The following SEC24D variants were observed in gnomAD, a reference collection of about 807,000 sequenced individuals.
SEC24D encodes the protein protein transport protein Sec24D.
Under a neutral mutation model 116.9 loss-of-function variants are expected in SEC24D, and 69 were observed. The observed-to-expected ratio is 0.59, with a 90% CI of 0.49 to 0.72. SEC24D has a LOEUF of 0.72. Ranked by LOEUF, SEC24D falls within the 30% of genes least tolerant of loss-of-function variation. The pLI, the probability that SEC24D is intolerant of heterozygous loss-of-function variation, is 0.00. For missense variants in SEC24D, 1,131 were observed against 1,264.1 expected (o/e 0.89, Z 1.60); for synonymous variants, 405 against 442.8 (o/e 0.91, Z 1.07).
At chr4:118,814,655 G>A (rs1730060490) in intron 6 of SEC24D, among the ~76,000 whole-genome samples, 1 of 151,978 alleles carries the variant, frequency 6.6e-6, no homozygotes, top group Non-Finnish European at 1.5e-5. Context: ...TTCTCTTATT[G>A]AAAAGGATCC....
At chr4:118,819,611 T>C (rs1730309322) in intron 3 of SEC24D, among the ~76,000 whole-genome samples, 1 of 151,254 alleles carries the variant, frequency 6.6e-6, no homozygotes, top group Non-Finnish European at 1.5e-5. Flanking sequence ...ACATGTACTA[T>C]AGAATATATT....
rs190646219 is a variant in SEC24D at position 118,762,567 on chromosome 4, T to G, written c.1296+2235A>C. Among the ~76,000 whole-genome samples the G allele has an allele frequency of 4.0e-4, 61 of 152,308 alleles. 1 individual carries two copies. In the East Asian group the frequency reaches 0.011, roughly 28 times the overall value. Reference sequence around the variant, plus strand: ...CCAAGATGAATAGGAAAATGTGATTTTGTAATTCCTCTTTCCAAGTGCATG... The same window carrying G: ...CCAAGATGAATAGGAAAATGTGATTGTGTAATTCCTCTTTCCAAGTGCATG... On this transcript the variant is annotated intron_variant, in intron 10 of 22. Coordinates refer to ENST00000280551, the MANE Select transcript of SEC24D (RefSeq NM_014822.4).
At chr4:118,763,298 AT>A (rs1281636917) in intron 10 of SEC24D, among the ~76,000 whole-genome samples, 2 of 152,224 alleles carry the variant, frequency 1.3e-5, no homozygotes, top group African/African-American at 4.8e-5. Flanking sequence ...ATATTGCAAA[AT>A]AATCATATAA....
intron 19 of SEC24D, among the ~76,000 whole-genome samples, chr4:118,735,399 T>C (rs1725907348): frequency 6.6e-6 from 1 of 152,138 alleles, no homozygotes; most frequent in Non-Finnish European, 1.5e-5. Context: ...TCTTTGGGAG[T>C]AAAGAATGAG....
intron 2 of SEC24D, among the ~76,000 whole-genome samples, chr4:118,828,253 C>T (rs566895353): frequency 9.9e-5 from 15 of 152,138 alleles, no homozygotes; most frequent in Non-Finnish European, 2.1e-4. Flanking sequence ...GGACCACAGG[C>T]GCCTGCCACT....
intron 6 of SEC24D, 59 bp downstream of exon 6, chr4:118,814,969 G>T: frequency 6.4e-7 from 1 of 1,567,410 alleles, no homozygotes; most frequent in Non-Finnish European, 8.7e-7. Flanking sequence ...CTGATGAGTT[G>T]CTGAGAAAAA....
intron 6 of SEC24D, among the ~76,000 whole-genome samples, chr4:118,807,561 T>C (rs1247358250): frequency 6.6e-6 from 1 of 150,582 alleles, no homozygotes. Context: ...GTGTCCAGAC[T>C]GGAATAGTGT....
chr4:118,748,322 CACTAGGAAAAAAGGTCTAT>C (rs1169927854), intron 13 of SEC24D, among the ~76,000 whole-genome samples: 1 of 151,694 alleles, frequency 6.6e-6, no homozygotes, highest in African/African-American at 2.4e-5. Flanking sequence ...AATCAGGGCC[CACTAGGAAAAAAGGTCTAT>C]ATTGTTTAAA....
At chr4:118,757,923 T>C (rs537398377) in intron 10 of SEC24D, 78 bp from the exon 11 acceptor site, 63 of 1,180,840 alleles carry the variant, frequency 5.3e-5, no homozygotes, top group Non-Finnish European at 7.2e-5. Context: ...TAGAAACTCT[T>C]GAAAGTCATC....
chr4:118,801,261 C>CA (rs773053407), intron 7 of SEC24D, among the ~76,000 whole-genome samples: 1,786 of 100,200 alleles, frequency 0.018, 26 homozygotes, highest in African/African-American at 0.054. Flanking sequence ...GACTCCATCT[C>CA]AAAAAAAAAA....
intron 2 of SEC24D, among the ~76,000 whole-genome samples, chr4:118,831,961 G>GGGA (rs55768451): frequency 0.044 from 6,643 of 152,244 alleles, 203 homozygotes; most frequent in Non-Finnish European, 0.063. Flanking sequence ...CCAGCACCTT[G>GGGA]GGAGGTGGAG....
chr4:118,752,082 C>A lies in SEC24D; in HGVS notation c.1621G>T (p.Asp541Tyr), dbSNP rs1726868955. 1 of 1,604,754 alleles carries A rather than the reference C, an allele frequency of 6.2e-7. No individual in the cohort carries two copies. Among genetic ancestry groups the A allele is most frequent in the Non-Finnish European group, 8.5e-7 (1 of 1,172,758 alleles). Residue 541 changes from aspartate (D) to tyrosine (Y), a missense_variant, in exon 13 of 23, where the codon GAC becomes TAC. Asp to Tyr is a radical substitution (Grantham distance 160). Transcript: ENST00000280551. ...ESQSVIHNLLDQIPDMFADSN... is the reference protein window; with the variant it reads ...ESQSVIHNLLYQIPDMFADSN... ...TCTGCAAACATGTCTGGAATCTGGT[C>A]CAACAAACTATAAGACATGAGTAAG...
At chr4:118,785,841 A>T (rs1728645699) in intron 8 of SEC24D, among the ~76,000 whole-genome samples, 1 of 152,116 alleles carries the variant, frequency 6.6e-6, no homozygotes, top group Non-Finnish European at 1.5e-5. Context: ...TCCCTCTTAA[A>T]TGTATACAGT....
At chr4:118,778,293 A>G (rs2110483360) in intron 8 of SEC24D, among the ~76,000 whole-genome samples, 1 of 152,342 alleles carries the variant, frequency 6.6e-6, no homozygotes, top group Middle Eastern at 3.4e-3. Context: ...ATAAGGTGTA[A>G]GGAAGGGATT....
At chr4:118,824,499 A>G in intron 3 of SEC24D, 121 bp downstream of exon 3, 1 of 1,028,632 alleles carries the variant, frequency 9.7e-7, no homozygotes. Context: ...AGATCCTTTC[A>G]GGGGTGTGTA....
chr4:118,753,949 T>TA (rs1169476256), intron 11 of SEC24D: 32 of 152,296 alleles, frequency 2.1e-4, no homozygotes, highest in African/African-American at 7.2e-4. Context: ...CCTAAAGAGT[T>TA]ACTTGAGTAC....
chr4:118,733,739 C>CA (rs1296794820), intron 19 of SEC24D, among the ~76,000 whole-genome samples: 1 of 152,154 alleles, frequency 6.6e-6, no homozygotes, highest in Non-Finnish European at 1.5e-5. Context: ...ATTCCACAAA[C>CA]ACGTTCTTCC....
At chr4:118,800,653 T>C (rs1482771504) in intron 7 of SEC24D, among the ~76,000 whole-genome samples, 1 of 152,154 alleles carries the variant, frequency 6.6e-6, no homozygotes, top group Non-Finnish European at 1.5e-5. Context: ...ACAAGGGTGA[T>C]AATAATAACA....
intron 3 of SEC24D, among the ~76,000 whole-genome samples, chr4:118,819,126 T>TCA (rs1167585338): frequency 6.6e-6 from 1 of 152,226 alleles, no homozygotes; most frequent in Non-Finnish European, 1.5e-5. Flanking sequence ...TATGTTGTGA[T>TCA]CACTAAAAAA....
Sources: gnomAD v4.1 joint callset for allele counts (sites outside exome capture counted in the v4.1 genomes callset) on GRCh38, gnomAD v4.1.1 for gene constraint, MANE v1.5 for transcripts, NCBI Gene and HGNC (gene_info 2026-07-23, HGNC 2026-07-21) for gene names.